Variants in ATIC observed in about 807,000 individuals in gnomAD.
ATIC encodes 5-aminoimidazole-4-carboxamide ribonucleotide formyltransferase/IMP cyclohydrolase, also known as bifunctional purine biosynthesis protein ATIC.
ATIC carries 64 observed loss-of-function variants against 72.5 expected under a neutral mutation model. That is an observed-to-expected ratio of 0.88 (90% CI 0.72 to 1.09). The LOEUF (loss-of-function observed/expected upper bound fraction) is 1.09. Ranked by LOEUF, ATIC falls within the 50% of genes least tolerant of loss-of-function variation. The probability of loss-of-function intolerance (pLI) is 0.00; values close to 1 mark genes in which losing one functional copy is unlikely to be tolerated. For synonymous variants in ATIC, 281 were observed against 267.1 expected (o/e 1.05, Z -0.51); for missense variants, 787 against 732.4 (o/e 1.07, Z -0.86).
At chr2:215,331,925 T>A (rs1268742404) in intron 7 of ATIC, among the ~76,000 whole-genome samples, 1 of 152,208 alleles carries the variant, frequency 6.6e-6, no homozygotes, top group Non-Finnish European at 1.5e-5. Flanking sequence ...CCCACAGCTG[T>A]TGCTTTAGCT....
At chr2:215,334,665 G>A (rs1354020345) in intron 9 of ATIC, among the ~76,000 whole-genome samples, 1 of 152,116 alleles carries the variant, frequency 6.6e-6, no homozygotes, top group African/African-American at 2.4e-5. Context: ...CTGCCACCCT[G>A]TTTTTGTGAA....
At chr2:215,312,284 T>C (rs2052660784) in intron 1 of ATIC, 123 bp downstream of exon 1, 3 of 1,439,312 alleles carry the variant, frequency 2.1e-6, no homozygotes, top group Non-Finnish European at 2.7e-6. Context: ...AAAGCCAGCG[T>C]CCCCGCTCCC....
At chr2:215,332,609 A>G (rs752105264) in intron 8 of ATIC, 102 bp downstream of exon 8, 17 of 1,438,814 alleles carry the variant, frequency 1.2e-5, no homozygotes, top group Non-Finnish European at 1.5e-5. Flanking sequence ...TAGACATGCT[A>G]TGAAATCTGA....
chr2:215,320,700 C>T (rs2105998287), intron 4 of ATIC, among the ~76,000 whole-genome samples: 1 of 152,316 alleles, frequency 6.6e-6, no homozygotes, highest in Admixed American at 6.5e-5. Context: ...CTGCCTCAGC[C>T]TCCTGAGTAG....
chr2:215,324,978 G>A (rs775659935), intron 4 of ATIC, among the ~76,000 whole-genome samples: 2 of 152,128 alleles, frequency 1.3e-5, no homozygotes, highest in Non-Finnish European at 2.9e-5. Context: ...AAGCAGCAGC[G>A]TTGCAGTGTG....
chr2:215,325,853 A>G, intron 5 of ATIC, 134 bp from the exon 6 acceptor site: 1 of 1,136,542 alleles, frequency 8.8e-7, no homozygotes, highest in Non-Finnish European at 1.3e-6. Flanking sequence ...GGCATGAGCC[A>G]CTGCGCCCAG....
At chr2:215,361,847 G>A in the ATIC span, 1 of 1,363,586 alleles carries the variant, frequency 7.3e-7, no homozygotes, top group Non-Finnish European at 1.0e-6. Context: ...TTTCACTTAA[G>A]TCATTTATGA....
chr2:215,368,572 A>T, the ATIC span, among the ~76,000 whole-genome samples: 1 of 152,264 alleles, frequency 6.6e-6, no homozygotes, highest in Non-Finnish European at 1.5e-5. Flanking sequence ...ATAATTATTA[A>T]AGGCTGTCTT....
intron 13 of ATIC, among the ~76,000 whole-genome samples, chr2:215,346,196 C>G (rs2106041798): frequency 6.6e-6 from 1 of 152,186 alleles, no homozygotes; most frequent in African/African-American, 2.4e-5. Context: ...GGGTCTTGCT[C>G]TGTTGCCCAG....
intron 7 of ATIC, among the ~76,000 whole-genome samples, chr2:215,330,424 C>G (rs1265131168): frequency 6.6e-6 from 1 of 152,056 alleles, no homozygotes; most frequent in Non-Finnish European, 1.5e-5. Context: ...TTTCCATATA[C>G]CCCGCTTCCC....
At chr2:215,355,877 G>A in the ATIC span, among the ~76,000 whole-genome samples, 2 of 152,216 alleles carry the variant, frequency 1.3e-5, no homozygotes, top group Non-Finnish European at 2.9e-5. Flanking sequence ...TGTTTTGCCA[G>A]TCAGTAGGTG....
chr2:215,367,629 G>A, the ATIC span: 1 of 551,112 alleles, frequency 1.8e-6, no homozygotes, highest in Non-Finnish European at 3.3e-6. Context: ...AATCTTATGT[G>A]TAATTAATAG....
chr2:215,334,353 C>T (rs905804554), intron 9 of ATIC, among the ~76,000 whole-genome samples: 1 of 151,830 alleles, frequency 6.6e-6, no homozygotes, highest in Admixed American at 6.6e-5. Context: ...GCCACCACAC[C>T]TGGCTAATTT....
chr2:215,326,714 A>G (rs954495574), intron 6 of ATIC, 108 bp from the exon 7 acceptor site: 31 of 1,361,800 alleles, frequency 2.3e-5, no homozygotes, highest in Non-Finnish European at 3.0e-5. Context: ...CAGCCACCAC[A>G]TAGCACTGAA....
chr2:215,367,626 T>C, the ATIC span: 6 of 542,708 alleles, frequency 1.1e-5, no homozygotes, highest in East Asian at 1.6e-4. Flanking sequence ...CATAATCTTA[T>C]GTGTAATTAA....
chr2:215,312,067 C>A lies in ATIC; in HGVS notation c.-76C>A. ...CCCTCGCTTCCTGAGCCGCCACATC[C>A]CGGCAGCCCTCCTACCTGCGCACGT... On this transcript the variant is annotated 5_prime_UTR_variant, in exon 1 of 16. Transcript: ENST00000236959. The A allele has an allele frequency of 6.6e-7, 1 of 1,523,848 alleles. No homozygotes were observed. Among genetic ancestry groups the A allele is most frequent in the Non-Finnish European group, 8.8e-7 (1 of 1,139,290 alleles). The allele number at this position is 1,523,848 out of a possible 1,614,324, so 94.4% of individuals were successfully genotyped here.
At chr2:215,355,082 T>G in the ATIC span, among the ~76,000 whole-genome samples, 1 of 152,086 alleles carries the variant, frequency 6.6e-6, no homozygotes, top group Admixed American at 6.5e-5. Context: ...AAAAAAGCAG[T>G]GTCCTGCCTT....
intron 14 of ATIC, among the ~76,000 whole-genome samples, chr2:215,347,959 TGA>T (rs945551299): frequency 2.0e-5 from 3 of 152,164 alleles, no homozygotes; most frequent in African/African-American, 7.2e-5. Context: ...ACTGGTGGGC[TGA>T]GAGTCTGGGG....
At chr2:215,334,832 G>C in intron 9 of ATIC, 87 bp from the exon 10 acceptor site, 1 of 1,088,900 alleles carries the variant, frequency 9.2e-7, no homozygotes. Flanking sequence ...TTAGAGTAAT[G>C]AATTTTATAT....
Sources: gnomAD v4.1 joint callset for allele counts (sites outside exome capture counted in the v4.1 genomes callset) on GRCh38, gnomAD v4.1.1 for gene constraint, MANE v1.5 for transcripts, NCBI Gene and HGNC (gene_info 2026-07-23, HGNC 2026-07-21) for gene names.